Variants in CDH23 observed in about 807,000 individuals in gnomAD.
CDH23 encodes the protein cadherin-23.
CDH23 carries 189 observed loss-of-function variants against 317.1 expected under a neutral mutation model. The ratio of observed to expected loss-of-function variants is 0.60; its 90% confidence interval spans 0.53 to 0.67. The LOEUF (loss-of-function observed/expected upper bound fraction) is 0.67, where lower values mean the gene tolerates loss of function less well. Ranked by LOEUF, CDH23 falls within the 30% of genes least tolerant of loss-of-function variation. The pLI, the probability that CDH23 is intolerant of heterozygous loss-of-function variation, is 0.00. For missense variants in CDH23, 4,401 were observed against 4,592.4 expected (o/e 0.96, Z 1.20); for synonymous variants, 1,839 against 1,876.8 (o/e 0.98, Z 0.52).
intron 6 of CDH23, among the ~76,000 whole-genome samples, chr10:71,549,503 C>G (rs957614137): frequency 1.9e-4 from 29 of 152,294 alleles, no homozygotes; most frequent in Admixed American, 1.9e-3. Flanking sequence ...TAAAGTCCTC[C>G]AGGGAAAGAT....
At chr10:71,468,521 C>T (rs564048952) in intron 3 of CDH23, among the ~76,000 whole-genome samples, 1 of 152,326 alleles carries the variant, frequency 6.6e-6, no homozygotes, top group African/African-American at 2.4e-5. Context: ...TCATCTCCCA[C>T]ACTTTCTAAG....
intron 6 of CDH23, among the ~76,000 whole-genome samples, chr10:71,547,295 G>A (rs1034362992): frequency 6.6e-6 from 1 of 152,234 alleles, no homozygotes; most frequent in Non-Finnish European, 1.5e-5. Context: ...GGCAAGAGTT[G>A]GGGGTGAAGA....
chr10:71,649,387 A>C, intron 14 of CDH23, among the ~76,000 whole-genome samples: 1 of 152,218 alleles, frequency 6.6e-6, no homozygotes, highest in Admixed American at 6.5e-5. Flanking sequence ...TTTAATATGC[A>C]ATGAAGGCAG....
Position 71,706,959 on chromosome 10 carries a change from G to A in CDH23, c.3016G>A (p.Glu1006Lys), listed in dbSNP as rs745571683. ...GGCCGTGTACAATGTGTCTGTGTCC[G>A]AGGACGTGCCACGCGAGTTCCGGGT... Reference protein sequence around the residue: ...FPAVYNVSVSEDVPREFRVVW... With the variant: ...FPAVYNVSVSKDVPREFRVVW... The change falls in exon 26 of 70, where the codon GAG (glutamate) becomes AAG (lysine). Residue 1006 changes from glutamate to lysine, a missense_variant. Physicochemically the swap from Glu to Lys is moderately conservative, Grantham distance 56. Coordinates refer to ENST00000224721, the MANE Select transcript of CDH23 (RefSeq NM_022124.6). 3.4e-5 allele frequency: 55 copies of A among 1,607,336 alleles called. No homozygotes were observed. Among genetic ancestry groups the A allele is most frequent in the Non-Finnish European group, 4.1e-5 (48 of 1,177,228 alleles).
chr10:71,707,630 A>C, intron 26 of CDH23: 1 of 731,494 alleles, frequency 1.4e-6, no homozygotes, highest in Non-Finnish European at 1.7e-6. Flanking sequence ...GGATTGGTAG[A>C]TGGTGGCGCA....
At chr10:71,602,900 T>C (rs565491682) in intron 9 of CDH23, among the ~76,000 whole-genome samples, 1 of 152,324 alleles carries the variant, frequency 6.6e-6, no homozygotes, top group Admixed American at 6.5e-5. Context: ...AAGCCCCAAA[T>C]GATGAAACCA....
Position 71,677,443 on chromosome 10 carries a change from C to T in CDH23, c.1515-13C>T, listed in dbSNP as rs907833092. 5.7e-6 allele frequency: 9 copies of T among 1,588,506 alleles called. No individual in the cohort carries two copies. Among genetic ancestry groups the T allele is most frequent in the Middle Eastern group, 1.7e-4 (1 of 6,044 alleles). On this transcript the variant is annotated splice_polypyrimidine_tract_variant and intron_variant, in intron 15 of 69. Coordinates refer to ENST00000224721, the MANE Select transcript of CDH23 (RefSeq NM_022124.6). ...ACGGTGTTCCTTCTCTCCATCCTCTCGGCCTGGCACAGGTTCTCGCTGGAC... is the reference window on the plus strand; with the variant it reads ...ACGGTGTTCCTTCTCTCCATCCTCTTGGCCTGGCACAGGTTCTCGCTGGAC...
chr10:71,713,655 G>A, intron 28 of CDH23: 1 of 261,758 alleles, frequency 3.8e-6, no homozygotes, highest in South Asian at 4.4e-5. Flanking sequence ...GGAGGAAGTA[G>A]AGGGTTCTCT....
intron 6 of CDH23, among the ~76,000 whole-genome samples, chr10:71,558,124 A>C (rs976880140): frequency 2.0e-5 from 3 of 152,010 alleles, no homozygotes; most frequent in African/African-American, 7.3e-5. Context: ...CAGCCTCCTG[A>C]GTAGCTGGGA....
chr10:71,644,845 A>G (rs4747178), intron 12 of CDH23, among the ~76,000 whole-genome samples: 139,907 of 152,352 alleles, frequency 0.92, 64,335 homozygotes, highest in East Asian at 1. Flanking sequence ...GAGAGGTCAG[A>G]AGGAGGCTCT....
chr10:71,749,520 G>A (rs971572898), intron 38 of CDH23: 6 of 152,240 alleles, frequency 3.9e-5, no homozygotes, highest in Non-Finnish European at 7.3e-5. Flanking sequence ...GGTGACCAGA[G>A]GGAACAAAAG....
chr10:71,680,437 G>C (rs922382438), intron 17 of CDH23, among the ~76,000 whole-genome samples: 4 of 152,124 alleles, frequency 2.6e-5, no homozygotes, highest in Non-Finnish European at 4.4e-5. Flanking sequence ...GTTCAGTTCA[G>C]AGAAATGCCA....
chr10:71,709,000 A>T, intron 26 of CDH23, 98 bp from the exon 27 acceptor site: 1 of 1,060,442 alleles, frequency 9.4e-7, no homozygotes, highest in South Asian at 1.3e-5. Flanking sequence ...CCACTCCTGG[A>T]CTCACCATCG....
At chr10:71,740,186 C>A (rs1287962247) in intron 36 of CDH23, among the ~76,000 whole-genome samples, 1 of 152,350 alleles carries the variant, frequency 6.6e-6, no homozygotes, top group African/African-American at 2.4e-5. Context: ...AGGGAAGAAG[C>A]AAGTGCAGGC....
chr10:71,557,981 A>G (rs1856949580), intron 6 of CDH23, among the ~76,000 whole-genome samples: 2 of 138,784 alleles, frequency 1.4e-5, no homozygotes, highest in South Asian at 4.8e-4. Context: ...CTCTTCATTT[A>G]CTCTTTTTTT....
At chr10:71,548,094 T>C (rs1856384013) in intron 6 of CDH23, among the ~76,000 whole-genome samples, 1 of 152,198 alleles carries the variant, frequency 6.6e-6, no homozygotes, top group African/African-American at 2.4e-5. Flanking sequence ...CAGTTGGCTC[T>C]AAGTGCTTTT....
rs563707454 is a variant in CDH23 at position 71,654,051 on chromosome 10, C to A, written c.1449+7434C>A. 2.0e-5 allele frequency among the ~76,000 whole-genome samples: 3 copies of A among 152,244 alleles called. No homozygotes were observed. The East Asian group carries it at 5.8e-4, about 29-fold the overall frequency. On this transcript the variant is annotated intron_variant, in intron 14 of 69. Coordinates refer to ENST00000224721, the MANE Select transcript of CDH23 (RefSeq NM_022124.6). ...TTGTCTGTGCTCAACCCCGGGAAGC[C>A]AACACACTGAGTCTAGCCTCAAGGA...
intron 1 of CDH23, among the ~76,000 whole-genome samples, chr10:71,438,347 C>CAAAAAAAAAAAAAAAAAAA (rs10596696): frequency 2.0e-4 from 20 of 98,360 alleles, no homozygotes; most frequent in South Asian, 3.2e-4. Context: ...CTGTCTCAAA[C>CAAAAAAAAAAAAAAAAAAA]AAAAAAAAAA....
chr10:71,422,970 T>C (rs143481026), intron 1 of CDH23, among the ~76,000 whole-genome samples: 66 of 152,054 alleles, frequency 4.3e-4, no homozygotes, highest in African/African-American at 1.5e-3. Context: ...GGAGGAGGGG[T>C]TGTGCTTGGC....
Sources: allele counts gnomAD v4.1 joint callset (sites outside exome capture counted in the v4.1 genomes callset), GRCh38; gene constraint gnomAD v4.1.1; transcripts MANE v1.5; gene names NCBI Gene and HGNC (gene_info 2026-07-23, HGNC 2026-07-21).